R3HDM4: variants seen among roughly 807,000 people sequenced by gnomAD.
R3HDM4 encodes the protein R3H domain containing 4.
Under a neutral mutation model 31.3 loss-of-function variants are expected in R3HDM4, and 30 were observed. The observed-to-expected ratio is 0.96, with a 90% CI of 0.72 to 1.30. The LOEUF (loss-of-function observed/expected upper bound fraction) is 1.30. R3HDM4 is among the 50% of genes most tolerant of loss of function. R3HDM4 has a pLI of 0.00. For synonymous variants in R3HDM4, 196 were observed against 156.6 expected (o/e 1.25, Z -1.88); for missense variants, 444 against 366.1 (o/e 1.21, Z -1.74).
At position 899,710 on chromosome 19, in the gene R3HDM4, AG is replaced by A. The variant is rs766179474; in HGVS notation, c.562-25del. 15 of 1,534,982 alleles carry A rather than the reference AG, an allele frequency of 9.8e-6. No homozygotes were observed. Among genetic ancestry groups the A allele is most frequent in the Non-Finnish European group, 1.3e-5 (15 of 1,140,082 alleles). On this transcript the variant is annotated intron_variant, in intron 5 of 7. Transcript: ENST00000361574. This position sits in a 1 kb window ranked among gnomAD's most constrained non-coding sequence, Gnocchi z 6.8. ...TCCTGGGGAGAGCGGCCCGGTGGTC[AG>A]GGAACTGCGGGACCTGTGGGTGGGG...
chr19:902,407 C>A, intron 1 of R3HDM4: 3 of 396,580 alleles, frequency 7.6e-6, no homozygotes, highest in Non-Finnish European at 1.4e-5. Flanking sequence ...CTCAGGGGTT[C>A]AAGACCAGCC....
At chr19:903,813 G>C (rs2036868907) in intron 1 of R3HDM4, among the ~76,000 whole-genome samples, 1 of 151,970 alleles carries the variant, frequency 6.6e-6, no homozygotes, top group Non-Finnish European at 1.5e-5. Context: ...CACTTTGGGA[G>C]GCCGAGGCGG....
Position 899,921 on chromosome 19 carries a change from AG to A in R3HDM4, c.561+139del. On this transcript the variant is annotated intron_variant, in intron 5 of 7. Transcript: ENST00000361574. This position sits in a 1 kb window ranked among gnomAD's most constrained non-coding sequence, Gnocchi z 6.8. ...CTTCGTTGCCCCCGCCCTCCTACTCAGGGCCCTGGTGCCGCTGTCTGTATCC... is the reference window on the plus strand; with the variant it reads ...CTTCGTTGCCCCCGCCCTCCTACTCAGGCCCTGGTGCCGCTGTCTGTATCC... 1 of 934,046 alleles carries A rather than the reference AG, an allele frequency of 1.1e-6. No individual in the cohort carries two copies. Among genetic ancestry groups the A allele is most frequent in the Non-Finnish European group, 1.7e-6 (1 of 602,854 alleles). 57.9% of individuals were successfully genotyped at this position (934,046 alleles called of 1,614,324 possible).
In R3HDM4 at chr19:907,714, C is replaced by G. The variant is rs768390012; in HGVS notation, c.71+5373G>C. ...GCCTGGTCCTTCCCCTGCTCCAGCA[C>G]AGCCCATGGCTCCCCAGCATCCCAG... is the stretch of plus-strand genomic sequence containing the variant. On this transcript the variant is annotated intron_variant, in intron 1 of 7. Transcript: ENST00000361574. The surrounding 1 kb of genome is among the most constrained non-coding windows in gnomAD (Gnocchi z 4.1). 6.6e-6 allele frequency among the ~76,000 whole-genome samples: 1 copy of G among 152,226 alleles called. No individual in the cohort carries two copies. Among genetic ancestry groups the G allele is most frequent in the Non-Finnish European group, 1.5e-5 (1 of 68,044 alleles).
In R3HDM4 at chr19:902,031, G is replaced by C; in HGVS notation, c.171C>G (p.Asn57Lys). 1 of 1,613,946 alleles carries C rather than the reference G, an allele frequency of 6.2e-7. No homozygotes were observed. Among genetic ancestry groups the C allele is most frequent in the Non-Finnish European group, 8.5e-7 (1 of 1,180,022 alleles). The change falls in exon 2 of 8, where the codon AAC becomes AAG. Residue 57 changes from asparagine (N) to lysine (K), a missense_variant. Asn to Lys is a moderately conservative substitution (Grantham distance 94). Coordinates refer to ENST00000361574, the MANE Select transcript of R3HDM4 (RefSeq NM_138774.4). ...KQHFINQAVR[N>K]SDLVPKAKGR... ...CCTTGGCCTTGGGCACGAGGTCTGA[G>C]TTCCGCACTGCCTGGTTGATGAAGT...
At chr19:902,577 G>A (rs1414146483) in intron 1 of R3HDM4, 2 of 165,270 alleles carry the variant, frequency 1.2e-5, no homozygotes, top group Non-Finnish European at 2.7e-5. Context: ...CCAGGAGGTC[G>A]AGGTTGGCAT....
At position 899,751 on chromosome 19, in the gene R3HDM4, A is replaced by C; in HGVS notation, c.562-65T>G. ...TGTGGGTGGGGGGCCAGGGAGGTCC[A>C]GGGCCCCCAGGAGCCCACAGCGCTG... is the stretch of plus-strand genomic sequence containing the variant. On this transcript the variant is annotated intron_variant, in intron 5 of 7. Transcript: ENST00000361574. The surrounding 1 kb of genome is among the most constrained non-coding windows in gnomAD (Gnocchi z 6.8). 1.5e-6 allele frequency: 2 copies of C among 1,308,122 alleles called. No individual in the cohort carries two copies. Among genetic ancestry groups the C allele is most frequent in the South Asian group, 1.5e-5 (1 of 67,768 alleles). The allele number at this position is 1,308,122 out of a possible 1,614,324, so 81.0% of individuals were successfully genotyped here.
At position 913,061 on chromosome 19, in the gene R3HDM4, GC is replaced by G; in HGVS notation, c.71+25del. The G allele has an allele frequency of 1.2e-6, 1 of 860,112 alleles. No individual in the cohort carries two copies. The highest frequency in any genetic ancestry group is 1.4e-6 in the Non-Finnish European group (1 of 704,182). 53.3% of individuals were successfully genotyped at this position (860,112 alleles called of 1,614,324 possible). Reference sequence around the variant, plus strand: ...GGAGCCCAGCCCGCCCCCGGCGCCCGCCGCGCCCCGCCCGCCCGCGCTCACA... The same window carrying G: ...GGAGCCCAGCCCGCCCCCGGCGCCCGCGCGCCCCGCCCGCCCGCGCTCACA... On this transcript the variant is annotated intron_variant, in intron 1 of 7. Transcript: ENST00000361574. The surrounding 1 kb of genome is among the most constrained non-coding windows in gnomAD (Gnocchi z 5.0).
At chr19:903,382 C>A (rs996525752) in intron 1 of R3HDM4, among the ~76,000 whole-genome samples, 1 of 152,172 alleles carries the variant, frequency 6.6e-6, no homozygotes, top group Non-Finnish European at 1.5e-5. Flanking sequence ...GGCCTCCCAC[C>A]GAGAATCCAA....
intron 1 of R3HDM4, among the ~76,000 whole-genome samples, chr19:912,028 T>G (rs1408350650): frequency 7.5e-6 from 1 of 133,398 alleles, no homozygotes; most frequent in Non-Finnish European, 1.6e-5. Flanking sequence ...GGCGGGAGGC[T>G]CCATGGCTGG....
intron 1 of R3HDM4, among the ~76,000 whole-genome samples, chr19:904,169 C>A (rs2036874495): frequency 6.6e-6 from 1 of 152,176 alleles, no homozygotes; most frequent in African/African-American, 2.4e-5. Context: ...CCACCCTTAT[C>A]TCCTAACTCC....
At chr19:905,808 G>A (rs1055238220) in intron 1 of R3HDM4, among the ~76,000 whole-genome samples, 5 of 152,048 alleles carry the variant, frequency 3.3e-5, no homozygotes, top group Non-Finnish European at 7.4e-5. Flanking sequence ...AAAGTCATCA[G>A]AACAAAAATC....
At chr19:901,696 C>A in intron 2 of R3HDM4, 150 bp from the exon 3 acceptor site, 3 of 1,066,256 alleles carry the variant, frequency 2.8e-6, no homozygotes, top group Non-Finnish European at 4.0e-6. Context: ...GTACAGAGAC[C>A]ACCTAGACCC....
At position 897,289 on chromosome 19, in the gene R3HDM4, G is replaced by C; in HGVS notation, c.*148C>G. On this transcript the variant is annotated 3_prime_UTR_variant, in exon 8 of 8. Coordinates refer to ENST00000361574, the MANE Select transcript of R3HDM4 (RefSeq NM_138774.4). ...GCGTCTGTTGACTGCCAAGAGCTGC[G>C]TGAGGAGGGGGCAGAGTGAGAGAGA... 1 of 602,220 alleles carries C rather than the reference G, an allele frequency of 1.7e-6. No individual in the cohort carries two copies. Among genetic ancestry groups the C allele is most frequent in the Non-Finnish European group, 2.9e-6 (1 of 349,482 alleles). The allele number at this position is 602,220 out of a possible 1,614,324, so 37.3% of individuals were successfully genotyped here.
At chr19:901,328 G>A (rs1184858453) in intron 3 of R3HDM4, 94 bp downstream of exon 3, 1 of 1,371,020 alleles carries the variant, frequency 7.3e-7, no homozygotes, top group African/African-American at 1.4e-5. Flanking sequence ...GTGGGCGGGT[G>A]CTTCTGGCGG....
chr19:905,440 G>A (rs180704244), intron 1 of R3HDM4, among the ~76,000 whole-genome samples: 97 of 150,732 alleles, frequency 6.4e-4, no homozygotes, highest in Admixed American at 1.6e-3. Flanking sequence ...AGGAGACGGA[G>A]GTTGCGGTGA....
rs2036802804 is a variant in R3HDM4 at position 899,902 on chromosome 19, T to G, written c.561+159A>C. On this transcript the variant is annotated intron_variant, in intron 5 of 7. Transcript: ENST00000361574. This position sits in a 1 kb window ranked among gnomAD's most constrained non-coding sequence, Gnocchi z 6.8. ...CACACCCTGCAGTGCCCGCCTTCGT[T>G]GCCCCCGCCCTCCTACTCAGGGCCC... 1.3e-5 allele frequency among the ~76,000 whole-genome samples: 2 copies of G among 152,274 alleles called. No individual in the cohort carries two copies. Among genetic ancestry groups the G allele is most frequent in the Middle Eastern group, 3.4e-3 (1 of 294 alleles).
Position 900,067 on chromosome 19 carries a change from G to T in R3HDM4, c.555C>A (p.Ile185=). Residue 185 remains isoleucine, a synonymous_variant, in exon 5 of 8, where the codon ATC becomes ATA. Transcript: ENST00000361574. The part of the protein sequence containing the change: ...RLRAVLKRSR[I]PMETLETWEE... The stretch of plus-strand genomic sequence containing the variant: ...CCGGCAATCCCCCACTCACCATGGG[G>T]ATGCGGCTGCGCTTGAGGACGGCTC... 6.2e-7 allele frequency: 1 copy of T among 1,611,860 alleles called. No individual in the cohort carries two copies. Among genetic ancestry groups the T allele is most frequent in the Non-Finnish European group, 8.5e-7 (1 of 1,179,250 alleles).
intron 1 of R3HDM4, among the ~76,000 whole-genome samples, chr19:908,707 G>A (rs1194390048): frequency 1.3e-5 from 2 of 152,158 alleles, no homozygotes; most frequent in Non-Finnish European, 2.9e-5. Context: ...GTCTCTGCCT[G>A]ATGCACCTGC....
Sources: allele counts gnomAD v4.1 joint callset (sites outside exome capture counted in the v4.1 genomes callset), GRCh38; gene constraint gnomAD v4.1.1; non-coding constraint Gnocchi (gnomAD v3.1); transcripts MANE v1.5; gene names NCBI Gene and HGNC (gene_info 2026-07-23, HGNC 2026-07-21).